SLC30A5: variants seen among roughly 807,000 people sequenced by gnomAD.
SLC30A5 encodes proton-coupled zinc antiporter SLC30A5.
A neutral mutation model predicts 79.6 loss-of-function variants in SLC30A5; 33 were observed. The observed-to-expected ratio is 0.41, with a 90% confidence interval of 0.31 to 0.55. SLC30A5 has a LOEUF of 0.55. Among genes scored for constraint, SLC30A5 ranks in the 20% least tolerant of loss-of-function variants. The pLI is 0.20. For synonymous variants in SLC30A5, 299 were observed against 319.7 expected (o/e 0.94, Z 0.69); for missense variants, 788 against 928.1 (o/e 0.85, Z 1.96).
intron 15 of SLC30A5, among the ~76,000 whole-genome samples, chr5:69,128,822 A>G (rs1475198215): frequency 4.6e-5 from 7 of 152,212 alleles, no homozygotes; most frequent in African/African-American, 1.7e-4. Context: ...CAGAATAGTT[A>G]CTAAAGCCCT....
chr5:69,094,215 C>T lies in SLC30A5; in HGVS notation c.-41C>T, dbSNP rs890009483. 6 of 1,063,592 alleles carry T rather than the reference C, an allele frequency of 5.6e-6. No individual in the cohort carries two copies. The highest frequency in any genetic ancestry group is 7.3e-6 in the Non-Finnish European group (6 of 817,254). The allele number at this position is 1,063,592 out of a possible 1,614,324, so 65.9% of individuals were successfully genotyped here. ...GCGGCAGCGGCGAGACATGAGGAGA[C>T]CCCGCGACAGGGGCAGCGGCGGCGG... On this transcript the variant is annotated 5_prime_UTR_variant, in exon 1 of 16. Transcript: ENST00000396591.
At position 69,116,470 on chromosome 5, in the gene SLC30A5, T is replaced by G; in HGVS notation, c.1149T>G (p.Pro383=). The G allele has an allele frequency of 6.2e-7, 1 of 1,612,988 alleles. No individual in the cohort carries two copies. Among genetic ancestry groups the G allele is most frequent in the Non-Finnish European group, 8.5e-7 (1 of 1,179,570 alleles). Residue 383 remains proline (P), a synonymous_variant, in exon 10 of 16, where the codon CCT becomes CCG. Transcript: ENST00000396591. This position sits in a 1 kb window ranked among gnomAD's most constrained non-coding sequence, Gnocchi z 4.0. ...TLIGYSPEGT[P]LYNFMGDAFQ... is the part of the protein sequence containing the mutation. ...TTGGATATTCTCCTGAAGGAACACC[T>G]CTTTATAACTTCATGGGTGATGCTT... is the stretch of plus-strand genomic sequence containing the variant.
intron 11 of SLC30A5, among the ~76,000 whole-genome samples, chr5:69,117,675 G>A (rs1580180458): frequency 1.3e-5 from 2 of 151,698 alleles, no homozygotes; most frequent in South Asian, 2.1e-4. Context: ...TCAGGAGTTC[G>A]AGACCAGCCT....
At chr5:69,095,112 T>C (rs1038084593) in intron 1 of SLC30A5, among the ~76,000 whole-genome samples, 6 of 152,012 alleles carry the variant, frequency 3.9e-5, no homozygotes, top group African/African-American at 1.4e-4. Flanking sequence ...CTTCCCATTC[T>C]GGAATAAATA....
At chr5:69,128,680 A>T (rs933401771) in intron 15 of SLC30A5, among the ~76,000 whole-genome samples, 1 of 152,178 alleles carries the variant, frequency 6.6e-6, no homozygotes, top group Non-Finnish European at 1.5e-5. Flanking sequence ...TAATTAATAT[A>T]AAAAAATTCA....
intron 1 of SLC30A5, among the ~76,000 whole-genome samples, chr5:69,098,392 G>T (rs1210917146): frequency 6.6e-6 from 1 of 152,064 alleles, no homozygotes; most frequent in African/African-American, 2.4e-5. Flanking sequence ...CTGACATGGT[G>T]GCAGGCACCT....
rs1398820012 is a variant in SLC30A5, at chr5:69,117,345, T to G, written c.1388T>G (p.Leu463Arg). Residue 463 changes from leucine (L) to arginine (R), a missense_variant, in exon 11 of 16, where the codon CTT (leucine) becomes CGT (arginine). Physicochemically the swap from Leu to Arg is moderately radical, Grantham distance 102. Around this residue, in one of 3 missense-constraint regions of SLC30A5, gnomAD observed 626 missense variants for 755.5 expected, o/e 0.83. Coordinates refer to ENST00000396591, the MANE Select transcript of SLC30A5 (RefSeq NM_022902.5). The part of the protein sequence containing the change: ...LFDCSALVMG[L>R]FAALMSRWKA... ...GACTGCTCTGCTTTAGTCATGGGAC[T>G]TTTTGCTGCCCTGATGAGTAGGTGG... 1 of 1,614,118 alleles carries G rather than the reference T, an allele frequency of 6.2e-7. No homozygotes were observed. The highest frequency in any genetic ancestry group is 8.5e-7 in the Non-Finnish European group (1 of 1,180,016).
chr5:69,129,278 C>CT (rs1746785448), intron 15 of SLC30A5, among the ~76,000 whole-genome samples, 169 bp from the exon 16 acceptor site: 2 of 152,110 alleles, frequency 1.3e-5, no homozygotes, highest in Admixed American at 6.6e-5. Flanking sequence ...TGAGCATTTC[C>CT]TTTTAACACC....
At chr5:69,112,110 C>A (rs35926188) in intron 5 of SLC30A5, among the ~76,000 whole-genome samples, 7 of 151,804 alleles carry the variant, frequency 4.6e-5, no homozygotes, top group Admixed American at 2.6e-4. Context: ...CCACCCTGAC[C>A]AACATGGTGA....
rs1746826061 is a variant in SLC30A5, at chr5:69,130,736, A to G, written c.*1119A>G. On this transcript the variant is annotated 3_prime_UTR_variant, in exon 16 of 16. Coordinates refer to ENST00000396591, the MANE Select transcript of SLC30A5 (RefSeq NM_022902.5). ...TAGATATGTAGTAAAGTCTGAAAAG[A>G]CTTTACCATAGACAATAACATGCAG... 2 of 152,138 alleles carry G rather than the reference A, an allele frequency of 1.3e-5. No individual in the cohort carries two copies. The highest frequency in any genetic ancestry group is 1.5e-5 in the Non-Finnish European group (1 of 68,006). The allele number at this position is 152,138 out of a possible 1,614,324, so 9.4% of individuals were successfully genotyped here.
chr5:69,103,123 C>T lies in SLC30A5; in HGVS notation c.268C>T (p.His90Tyr). Residue 90 changes from histidine (H) to tyrosine (Y), a missense_variant, in exon 3 of 16, where the codon CAC becomes TAC. His to Tyr is a moderately conservative substitution (Grantham distance 83). Transcript: ENST00000396591. ...PFSSGKTITK[H>Y]QWIKIFKHAV... ...TTCTTCTGGGAAAACTATTACCAAA[C>T]ACCAGGTAAGATTTTTGCAGAATCT... 7 of 1,578,652 alleles carry T rather than the reference C, an allele frequency of 4.4e-6. No individual in the cohort carries two copies. The highest frequency in any genetic ancestry group is 6.1e-6 in the Non-Finnish European group (7 of 1,152,520).
At chr5:69,115,167 A>AAAAAATTTTTT in intron 7 of SLC30A5, 70 bp from the exon 8 acceptor site, 1 of 743,904 alleles carries the variant, frequency 1.3e-6, no homozygotes, top group Non-Finnish European at 2.1e-6. Context: ...AAAAAAAAAG[A>AAAAAATTTTTT]TCATGTATTT....
At chr5:69,110,059 G>A (rs945567613) in intron 5 of SLC30A5, among the ~76,000 whole-genome samples, 1 of 152,126 alleles carries the variant, frequency 6.6e-6, no homozygotes, top group Non-Finnish European at 1.5e-5. Flanking sequence ...AGTCTTGAGC[G>A]CAAATGATCA....
intron 5 of SLC30A5, among the ~76,000 whole-genome samples, chr5:69,109,609 T>G (rs919999527): frequency 6.6e-6 from 1 of 152,156 alleles, no homozygotes; most frequent in African/African-American, 2.4e-5. Context: ...ACCCTGTAAA[T>G]CATTTTTGAA....
chr5:69,098,847 C>T (rs1228036891), intron 1 of SLC30A5, among the ~76,000 whole-genome samples: 2 of 152,136 alleles, frequency 1.3e-5, no homozygotes, highest in African/African-American at 2.4e-5. Context: ...TAACTGTGAC[C>T]CTCTGCCCTT....
In SLC30A5 at chr5:69,128,342, C is replaced by T. The variant is rs541702032; in HGVS notation, c.2127+210C>T. ...TCTCGGCCCACTGCAACCTCCGCCT[C>T]CTGGGTTCAAGCAGTCTCCCTGCCT... is the stretch of plus-strand genomic sequence containing the variant. On this transcript the variant is annotated intron_variant, in intron 15 of 15. Coordinates refer to ENST00000396591, the MANE Select transcript of SLC30A5 (RefSeq NM_022902.5). Among the ~76,000 whole-genome samples the T allele has an allele frequency of 1.1e-4, 16 of 151,162 alleles. No homozygotes were observed. In the South Asian group the frequency reaches 3.4e-3, roughly 32 times the overall value.
intron 1 of SLC30A5, among the ~76,000 whole-genome samples, chr5:69,100,510 C>T (rs2111934093): frequency 6.6e-6 from 1 of 151,864 alleles, no homozygotes; most frequent in East Asian, 1.9e-4. Flanking sequence ...GTGGCTCACA[C>T]CTGTAATCCT....
At chr5:69,113,111 A>G (rs1245910895) in intron 5 of SLC30A5, 29 bp from the exon 6 acceptor site, 1 of 1,576,914 alleles carries the variant, frequency 6.3e-7, no homozygotes, top group East Asian at 2.2e-5. Flanking sequence ...TGAAAAAGTC[A>G]TCCTTGATGT....
At chr5:69,120,139 A>G (rs1043900026) in intron 12 of SLC30A5, among the ~76,000 whole-genome samples, 3 of 152,106 alleles carry the variant, frequency 2.0e-5, no homozygotes, top group Non-Finnish European at 2.9e-5. Flanking sequence ...TGTTATCTAT[A>G]TAATAGAATA....
Sources: gnomAD v4.1 joint callset for allele counts (sites outside exome capture counted in the v4.1 genomes callset) on GRCh38, gnomAD v4.1.1 for gene constraint, gnomAD v4.1.1 regional missense constraint, Gnocchi (gnomAD v3.1) non-coding constraint, MANE v1.5 for transcripts, NCBI Gene and HGNC (gene_info 2026-07-23, HGNC 2026-07-21) for gene names.